Variants in SPTBN1 observed in about 807,000 individuals in gnomAD.
SPTBN1 encodes spectrin beta, non-erythrocytic 1.
In SPTBN1, 32 loss-of-function variants were observed where a neutral mutation model predicts 266.4. That is an observed-to-expected ratio of 0.12 (90% CI 0.09 to 0.16). The LOEUF (loss-of-function observed/expected upper bound fraction) is 0.16. Among genes scored for constraint, SPTBN1 ranks in the 10% least tolerant of loss-of-function variants. The pLI, the probability that SPTBN1 is intolerant of heterozygous loss-of-function variation, is 1.00. For missense variants in SPTBN1, 2,296 were observed against 3,067.1 expected (o/e 0.75, Z 5.94); for synonymous variants, 1,336 against 1,162.2 (o/e 1.15, Z -3.04).
chr2:54,654,377 A>G (rs1293597532), intron 27 of SPTBN1, among the ~76,000 whole-genome samples: 1 of 152,156 alleles, frequency 6.6e-6, no homozygotes, highest in Non-Finnish European at 1.5e-5. Flanking sequence ...GCTTTGTTTC[A>G]TGCAAATTAG....
intron 32 of SPTBN1, 180 bp downstream of exon 32, chr2:54,660,179 C>A: frequency 6.6e-7 from 1 of 1,507,702 alleles, no homozygotes; most frequent in Non-Finnish European, 8.9e-7. Flanking sequence ...AAAATTTTTA[C>A]TTAATTCATA....
At chr2:54,658,649 C>G (rs1347418129) in intron 30 of SPTBN1, among the ~76,000 whole-genome samples, 1 of 152,196 alleles carries the variant, frequency 6.6e-6, no homozygotes, top group Non-Finnish European at 1.5e-5. Context: ...CAGAGTACTT[C>G]TGGTACATCC....
At chr2:54,658,148 T>C in intron 30 of SPTBN1, 102 bp downstream of exon 30, 4 of 1,429,810 alleles carry the variant, frequency 2.8e-6, no homozygotes, top group Non-Finnish European at 9.5e-7. Flanking sequence ...TGTTTTTGTT[T>C]TTTGGGTTTT....
intron 2 of SPTBN1, among the ~76,000 whole-genome samples, chr2:54,542,468 A>C (rs1467777487): frequency 6.6e-6 from 1 of 152,220 alleles, no homozygotes; most frequent in African/African-American, 2.4e-5. Context: ...GAAAACTGTT[A>C]ATTAATCTCA....
At chr2:54,490,476 T>C (rs1558773332) in intron 1 of SPTBN1, among the ~76,000 whole-genome samples, 1 of 152,186 alleles carries the variant, frequency 6.6e-6, no homozygotes, top group African/African-American at 2.4e-5. Flanking sequence ...TAGGAAAATA[T>C]TTACTAGGAA....
rs373653475 is a variant in SPTBN1, at chr2:54,653,859, G to C, written c.5822+6G>C. 6.2e-7 allele frequency: 1 copy of C among 1,606,928 alleles called. No homozygotes were observed. Among genetic ancestry groups the C allele is most frequent in the Non-Finnish European group, 8.5e-7 (1 of 1,178,346 alleles). The stretch of plus-strand genomic sequence containing the variant: ...GAGGCCCAGGAGAAGCCAAGGTAAC[G>C]CTTTCAGCCCAAAGGAAATTGGACT... On this transcript the variant is annotated splice_donor_region_variant and intron_variant, in intron 27 of 35. Transcript: ENST00000356805. This position sits in a 1 kb window ranked among gnomAD's most constrained non-coding sequence, Gnocchi z 5.1.
Position 54,645,896 on chromosome 2 carries a change from G to A in SPTBN1, c.4495-32G>A. 1 of 1,610,546 alleles carries A rather than the reference G, an allele frequency of 6.2e-7. No individual in the cohort carries two copies. Among genetic ancestry groups the A allele is most frequent in the Non-Finnish European group, 8.5e-7 (1 of 1,176,900 alleles). On this transcript the variant is annotated intron_variant, in intron 21 of 35. Coordinates refer to ENST00000356805, the MANE Select transcript of SPTBN1 (RefSeq NM_003128.3). The surrounding 1 kb of genome is among the most constrained non-coding windows in gnomAD (Gnocchi z 4.3). ...GTGTCGTATATTTGTTCCTCTGAGT[G>A]GATCTGACCACTTATTTAAAATTCT...
At chr2:54,497,227 G>A (rs1669015681) in intron 1 of SPTBN1, among the ~76,000 whole-genome samples, 1 of 152,182 alleles carries the variant, frequency 6.6e-6, no homozygotes, top group Non-Finnish European at 1.5e-5. Context: ...TGAGCATCAT[G>A]AAAAATGCCT....
intron 3 of SPTBN1, among the ~76,000 whole-genome samples, chr2:54,600,205 C>T (rs1043695356): frequency 1.3e-5 from 2 of 152,178 alleles, no homozygotes; most frequent in Non-Finnish European, 2.9e-5. Flanking sequence ...CTAAGGTTGT[C>T]CCTTGTCCTA....
intron 2 of SPTBN1, among the ~76,000 whole-genome samples, chr2:54,556,780 C>T (rs1319098151): frequency 6.6e-6 from 1 of 152,032 alleles, no homozygotes; most frequent in African/African-American, 2.4e-5. Context: ...TAGAACATTT[C>T]CACATCATCT....
At chr2:54,570,529 T>A (rs1573438280) in intron 2 of SPTBN1, among the ~76,000 whole-genome samples, 1 of 152,202 alleles carries the variant, frequency 6.6e-6, no homozygotes, top group African/African-American at 2.4e-5. Context: ...GTATCTTTAT[T>A]TGGCTGAATC....
chr2:54,522,206 C>G (rs1670483997), intron 1 of SPTBN1, among the ~76,000 whole-genome samples: 1 of 152,138 alleles, frequency 6.6e-6, no homozygotes, highest in South Asian at 2.1e-4. Context: ...TTGGCCTAAC[C>G]TTTCCGTTTT....
chr2:54,635,692 A>G (rs928475139), intron 17 of SPTBN1, among the ~76,000 whole-genome samples: 1 of 152,180 alleles, frequency 6.6e-6, no homozygotes, highest in Non-Finnish European at 1.5e-5. Flanking sequence ...CTTCCCTGCC[A>G]CTGTAGGACT....
intron 1 of SPTBN1, among the ~76,000 whole-genome samples, chr2:54,462,951 C>A (rs561197837): frequency 8.5e-5 from 13 of 152,230 alleles, no homozygotes; most frequent in Non-Finnish European, 1.5e-4. Context: ...TCGATTAAAT[C>A]TGGCATTCAG....
chr2:54,654,830 C>T (rs1304730542), intron 27 of SPTBN1, among the ~76,000 whole-genome samples: 1 of 152,222 alleles, frequency 6.6e-6, no homozygotes, highest in African/African-American at 2.4e-5. Flanking sequence ...TTCAGGCACA[C>T]ACACAAAAAC....
intron 2 of SPTBN1, 171 bp downstream of exon 2, chr2:54,526,737 T>C (rs893483838): frequency 5.1e-6 from 4 of 778,636 alleles, no homozygotes; most frequent in East Asian, 3.1e-5. Flanking sequence ...AGTTCCATAT[T>C]TGGAGAGCTG....
Position 54,626,877 on chromosome 2 carries a change from T to C in SPTBN1, c.1644+643T>C, listed in dbSNP as rs1394517163. Among the ~76,000 whole-genome samples, 2 of 152,208 alleles carry C rather than the reference T, an allele frequency of 1.3e-5. No homozygotes were observed. The highest frequency in any genetic ancestry group is 2.4e-5 in the African/African-American group (1 of 41,464). The stretch of plus-strand genomic sequence containing the variant: ...TGCTCTTAGCATAGAGTTCCAACCT[T>C]TCCCCCTTCCCAGGAAGAGACCTGC... On this transcript the variant is annotated intron_variant, in intron 12 of 35. Coordinates refer to ENST00000356805, the MANE Select transcript of SPTBN1 (RefSeq NM_003128.3). The surrounding 1 kb of genome is among the most constrained non-coding windows in gnomAD (Gnocchi z 4.7).
intron 7 of SPTBN1, among the ~76,000 whole-genome samples, chr2:54,619,737 C>G (rs1677867522): frequency 6.6e-6 from 1 of 152,160 alleles, no homozygotes; most frequent in Non-Finnish European, 1.5e-5. Context: ...CTCCAGTTCA[C>G]TCTCCTTTGT....
At chr2:54,556,993 T>C (rs899116743) in intron 2 of SPTBN1, among the ~76,000 whole-genome samples, 2 of 152,180 alleles carry the variant, frequency 1.3e-5, no homozygotes, top group Non-Finnish European at 2.9e-5. Flanking sequence ...CCCATCAGCA[T>C]TGTGAATTGG....
Sources: allele counts gnomAD v4.1 joint callset (sites outside exome capture counted in the v4.1 genomes callset), GRCh38; gene constraint gnomAD v4.1.1; non-coding constraint Gnocchi (gnomAD v3.1); transcripts MANE v1.5; gene names NCBI Gene and HGNC (gene_info 2026-07-23, HGNC 2026-07-21).